SPEG: variants seen among roughly 807,000 people sequenced by gnomAD.
SPEG encodes the protein striated muscle preferentially expressed protein kinase.
SPEG carries 114 observed loss-of-function variants against 300.4 expected under a neutral mutation model. That is an observed-to-expected ratio of 0.38 (90% CI 0.33 to 0.44). SPEG has a LOEUF of 0.44. Among genes scored for constraint, SPEG ranks in the 20% least tolerant of loss-of-function variants. The pLI is 1.00. For missense variants in SPEG, 4,201 were observed against 4,586.2 expected, an observed-to-expected ratio of 0.92 and a Z score of 2.43; for synonymous variants, 1,964 against 2,018.9, an observed-to-expected ratio of 0.97 and a Z score of 0.73.
intron 1 of SPEG, among the ~76,000 whole-genome samples, chr2:219,440,479 G>A (rs757873341): frequency 2.0e-5 from 3 of 152,028 alleles, no homozygotes; most frequent in South Asian, 2.1e-4. Context: ...AGGGAGGTGC[G>A]CTGAGCTCAG....
rs1575090421 is a variant in SPEG, at chr2:219,459,901, C to T, written c.2441-1981C>T. 6.6e-6 allele frequency among the ~76,000 whole-genome samples: 1 copy of T among 152,222 alleles called. No homozygotes were observed. ...TCCTTACTGGCCATGCTGGGAAACA[C>T]AGGTCATGGCTTGGGAATGTGGCCC... On this transcript the variant is annotated intron_variant, in intron 6 of 40. Transcript: ENST00000312358. This position sits in a 1 kb window ranked among gnomAD's most constrained non-coding sequence, Gnocchi z 4.9.
Position 219,490,955 on chromosome 2 carries a change from G to A in SPEG, c.9384G>A (p.Met3128Ile). The A allele has an allele frequency of 1.9e-6, 3 of 1,609,836 alleles. No homozygotes were observed. The highest frequency in any genetic ancestry group is 2.5e-6 in the Non-Finnish European group (3 of 1,177,720). ...LGHRTGTLEFMAPEMVKGEPI... is the reference protein window; with the variant it reads ...LGHRTGTLEFIAPEMVKGEPI... ...ACCGCACGGGCACGCTGGAGTTCAT[G>A]GGTGAGGGGACCAGCTGCCAGCCAG... is the stretch of plus-strand genomic sequence containing the variant. The change falls in exon 38 of 41, where the codon ATG becomes ATA. Residue 3128 changes from methionine to isoleucine, a missense_variant and splice_region_variant. Around this residue, in one of 4 missense-constraint regions of SPEG, gnomAD observed 318 missense variants for 429.5 expected, o/e 0.74. Coordinates refer to ENST00000312358, the MANE Select transcript of SPEG (RefSeq NM_005876.5).
In SPEG at chr2:219,473,327, C is replaced by G; in HGVS notation, c.4148-177C>G. On this transcript the variant is annotated intron_variant, in intron 16 of 40. Coordinates refer to ENST00000312358, the MANE Select transcript of SPEG (RefSeq NM_005876.5). This position sits in a 1 kb window ranked among gnomAD's most constrained non-coding sequence, Gnocchi z 4.6. ...GCCTGCTGGGGTCCAACCCCACAAC[C>G]TCAGCTTTGCTGCTCTCTGGCTGTG... 2.6e-6 allele frequency: 2 copies of G among 773,832 alleles called. No homozygotes were observed. The highest frequency in any genetic ancestry group is 4.1e-6 in the Non-Finnish European group (2 of 484,090). The allele number at this position is 773,832 out of a possible 1,614,324, so 47.9% of individuals were successfully genotyped here. A position where few individuals can be genotyped will look rare whatever the true frequency, so the allele number is the denominator to read the frequency against.
intron 9 of SPEG, chr2:219,466,217 C>T: frequency 1.4e-6 from 2 of 1,463,218 alleles, no homozygotes; most frequent in East Asian, 2.5e-5. Flanking sequence ...CCACCCCATG[C>T]AGCCCCCAGG....
chr2:219,448,230 T>G lies in SPEG; in HGVS notation c.1072T>G (p.Ser358Ala), dbSNP rs375734230. ...CACCGAAGAGAAGCGAGGGAAGAAG[T>G]CCAAGTCGTCCGGGCCCTCCCTGGC... The part of the protein sequence containing the change: ...TTTEEKRGKK[S>A]KSSGPSLAGT... Residue 358 changes from serine (S) to alanine (A), a missense_variant, in exon 4 of 41, where the codon TCC (serine) becomes GCC (alanine). Around this residue, in one of 4 missense-constraint regions of SPEG, gnomAD observed 1,258 missense variants for 1,293.9 expected, o/e 0.97. Coordinates refer to ENST00000312358, the MANE Select transcript of SPEG (RefSeq NM_005876.5). 11 of 1,612,174 alleles carry G rather than the reference T, an allele frequency of 6.8e-6. No homozygotes were observed. The African/African-American group carries it at 1.3e-4, about 20-fold the overall frequency.
At chr2:219,460,744 A>AGCTGCCT in intron 6 of SPEG, 1 of 982,082 alleles carries the variant, frequency 1.0e-6, no homozygotes, top group Non-Finnish European at 1.2e-6. Flanking sequence ...CTTCCTAGCC[A>AGCTGCCT]GCTGCCTGCC....
rs376046560 is a variant in SPEG, at chr2:219,445,183, G to T, written c.815+22G>T. ...ACGTGTAAGTAACGGCCTTACCTGG[G>T]CCTGAACTGCCCCATCTCACCACGC... On this transcript the variant is annotated intron_variant, in intron 3 of 40. Coordinates refer to ENST00000312358, the MANE Select transcript of SPEG (RefSeq NM_005876.5). This position sits in a 1 kb window ranked among gnomAD's most constrained non-coding sequence, Gnocchi z 6.1. 1 of 1,549,332 alleles carries T rather than the reference G, an allele frequency of 6.5e-7. No homozygotes were observed. The highest frequency in any genetic ancestry group is 8.7e-7 in the Non-Finnish European group (1 of 1,144,968).
At position 219,478,022 on chromosome 2, in the gene SPEG, G is replaced by T. The variant is rs772400013; in HGVS notation, c.4944G>T (p.Leu1648=). 6.2e-7 allele frequency: 1 copy of T among 1,614,220 alleles called. No individual in the cohort carries two copies. The highest frequency in any genetic ancestry group is 8.5e-7 in the Non-Finnish European group (1 of 1,180,042). The change falls in exon 22 of 41, where the codon CTG becomes CTT. Residue 1648 remains leucine, a synonymous_variant. Transcript: ENST00000312358. ...CATCAGCGCGTCGGGAGGCCCGGCT[G>T]CTGGCCAGGCTCCAGCACGACTGTG... ...PKASARREAR[L]LARLQHDCVL...
rs769266480 is a variant in SPEG, at chr2:219,484,119, G to T, written c.6656G>T (p.Arg2219Met). Residue 2219 changes from arginine (R) to methionine (M), a missense_variant, in exon 30 of 41, where the codon AGG (arginine) becomes ATG (methionine). Transcript: ENST00000312358. Reference protein sequence around the residue: ...QPAQDKAPEPRPEPVRASKPA... With the variant: ...QPAQDKAPEPMPEPVRASKPA... ...GCCCAAGACAAGGCTCCAGAGCCCA[G>T]GCCAGAACCAGTCCGAGCCTCCAAG... 4 of 1,613,472 alleles carry T rather than the reference G, an allele frequency of 2.5e-6. No homozygotes were observed. In the African/African-American group the frequency reaches 5.3e-5, roughly 22 times the overall value.
Position 219,443,686 on chromosome 2 carries a change from G to C in SPEG, c.389-967G>C, listed in dbSNP as rs112447274. ...AGCACAATGCAAATATTGTAATAGA[G>C]GGTGGGCCTGACTCCTAATGGGAGG... On this transcript the variant is annotated intron_variant, in intron 1 of 40. Coordinates refer to ENST00000312358, the MANE Select transcript of SPEG (RefSeq NM_005876.5). The surrounding 1 kb of genome is among the most constrained non-coding windows in gnomAD (Gnocchi z 4.6). The C allele has an allele frequency of 3.0e-6, 1 of 333,516 alleles. No individual in the cohort carries two copies. The highest frequency in any genetic ancestry group is 7.8e-5 in the East Asian group (1 of 12,786). The allele number at this position is 333,516 out of a possible 1,614,324, so 20.7% of individuals were successfully genotyped here. A position where few individuals can be genotyped will look rare whatever the true frequency, so the allele number is the denominator to read the frequency against.
intron 1 of SPEG, among the ~76,000 whole-genome samples, chr2:219,441,841 G>A (rs1339415904): frequency 2.0e-5 from 3 of 151,364 alleles, no homozygotes; most frequent in African/African-American, 4.8e-5. Context: ...AGGCTGGCGA[G>A]GGAGGGGCGG....
intron 39 of SPEG, 34 bp downstream of exon 39, chr2:219,491,903 GC>G: frequency 6.5e-7 from 1 of 1,548,944 alleles, no homozygotes; most frequent in South Asian, 1.2e-5. Context: ...AGCCCTCTCT[GC>G]CCATACAGTG....
At chr2:219,486,354 CG>C (rs903657336) in intron 31 of SPEG, among the ~76,000 whole-genome samples, 11 of 152,206 alleles carry the variant, frequency 7.2e-5, no homozygotes. Flanking sequence ...AGGATCTTGA[CG>C]AGCCACCAGT....
At chr2:219,460,538 T>G (rs1690576601) in intron 6 of SPEG, 1 of 985,298 alleles carries the variant, frequency 1.0e-6, no homozygotes, top group African/African-American at 1.7e-5. Context: ...CCCCACACCT[T>G]GAGTCAAGGC....
chr2:219,489,684 A>G lies in SPEG; in HGVS notation c.8666A>G (p.Gln2889Arg). 1 of 1,613,946 alleles carries G rather than the reference A, an allele frequency of 6.2e-7. No individual in the cohort carries two copies. Among genetic ancestry groups the G allele is most frequent in the Non-Finnish European group, 8.5e-7 (1 of 1,179,974 alleles). ...TGTPIPASTPQGVKPVSSSTP... is the reference protein window; with the variant it reads ...TGTPIPASTPRGVKPVSSSTP... Reference sequence around the variant, plus strand: ...ACCCCGATCCCAGCCTCCACTCCTCAAGGGGTTAAACCAGTGTCTTCCTCT... The same window carrying G: ...ACCCCGATCCCAGCCTCCACTCCTCGAGGGGTTAAACCAGTGTCTTCCTCT... The change falls in exon 36 of 41, where the codon CAA becomes CGA. Residue 2889 changes from glutamine to arginine, a missense_variant. Around this residue, in one of 4 missense-constraint regions of SPEG, gnomAD observed 1,578 missense variants for 1,506.0 expected, o/e 1.05. Transcript: ENST00000312358.
In SPEG at chr2:219,445,087, T is replaced by C; in HGVS notation, c.741T>C (p.Asp247=). Residue 247 remains aspartate, a synonymous_variant, in exon 3 of 41, where the codon GAT becomes GAC. Transcript: ENST00000312358. This position sits in a 1 kb window ranked among gnomAD's most constrained non-coding sequence, Gnocchi z 6.1. ...TGGGCGCAAGCTGGGGGTCAGAGGATAGCCTTTCCGTGGCCAGTGACCTGT... is the reference window on the plus strand; with the variant it reads ...TGGGCGCAAGCTGGGGGTCAGAGGACAGCCTTTCCGTGGCCAGTGACCTGT... ...NLVGASWGSE[D]SLSVASDLYG... 6.2e-7 allele frequency: 1 copy of C among 1,603,872 alleles called. No individual in the cohort carries two copies. Among genetic ancestry groups the C allele is most frequent in the Non-Finnish European group, 8.5e-7 (1 of 1,175,382 alleles).
Position 219,443,427 on chromosome 2 carries a change from T to A in SPEG, c.389-1226T>A. 2 of 506,954 alleles carry A rather than the reference T, an allele frequency of 3.9e-6. No homozygotes were observed. The highest frequency in any genetic ancestry group is 5.0e-5 in the South Asian group (2 of 40,084). 31.4% of individuals were successfully genotyped at this position (506,954 alleles called of 1,614,324 possible). On this transcript the variant is annotated intron_variant, in intron 1 of 40. Coordinates refer to ENST00000312358, the MANE Select transcript of SPEG (RefSeq NM_005876.5). The surrounding 1 kb of genome is among the most constrained non-coding windows in gnomAD (Gnocchi z 4.6). ...CCTAATGGGAAGGAGTTCATTGCCA[T>A]GCTTTGGCAACCAGTACGTGGCTCC...
chr2:219,449,248 C>T lies in SPEG; in HGVS notation c.2090C>T (p.Ala697Val). The T allele has an allele frequency of 7.2e-7, 1 of 1,391,636 alleles. No individual in the cohort carries two copies. 86.2% of individuals were successfully genotyped at this position (1,391,636 alleles called of 1,614,324 possible). ...CGCAGCCAGGGCAAAGGTCGCCGGGCCCGGCCCACCTCCCCTGAGCTCGGT... is the reference window on the plus strand; with the variant it reads ...CGCAGCCAGGGCAAAGGTCGCCGGGTCCGGCCCACCTCCCCTGAGCTCGGT... Reference protein sequence around the residue: ...GARSQGKGRRARPTSPELESS... With the variant: ...GARSQGKGRRVRPTSPELESS... The change falls in exon 4 of 41, where the codon GCC becomes GTC. Residue 697 changes from alanine to valine, a missense_variant. Transcript: ENST00000312358.
chr2:219,473,432 T>G lies in SPEG; in HGVS notation c.4148-72T>G. The G allele has an allele frequency of 7.1e-7, 1 of 1,408,206 alleles. No homozygotes were observed. Among genetic ancestry groups the G allele is most frequent in the South Asian group, 1.2e-5 (1 of 84,988 alleles). The allele number at this position is 1,408,206 out of a possible 1,614,324, so 87.2% of individuals were successfully genotyped here. A position where few individuals can be genotyped will look rare whatever the true frequency, so the allele number is the denominator to read the frequency against. On this transcript the variant is annotated intron_variant, in intron 16 of 40. Transcript: ENST00000312358. The surrounding 1 kb of genome is among the most constrained non-coding windows in gnomAD (Gnocchi z 4.6). Reference sequence around the variant, plus strand: ...ACGGAACTCAAGTGTTGATGAGGGGTGTTAGAGGAGTGGTGGGTGCTGAGG... The same window carrying G: ...ACGGAACTCAAGTGTTGATGAGGGGGGTTAGAGGAGTGGTGGGTGCTGAGG...
Sources: gnomAD v4.1 joint callset for allele counts (sites outside exome capture counted in the v4.1 genomes callset) on GRCh38, gnomAD v4.1.1 for gene constraint, gnomAD v4.1.1 regional missense constraint, Gnocchi (gnomAD v3.1) non-coding constraint, MANE v1.5 for transcripts, NCBI Gene and HGNC (gene_info 2026-07-23, HGNC 2026-07-21) for gene names.